Variants in CDC14B observed in about 807,000 individuals in gnomAD.
The protein encoded by CDC14B is cell division cycle 14B.
In CDC14B, 22 loss-of-function variants were observed where a neutral mutation model predicts 64.2. The observed-to-expected ratio is 0.34, with a 90% CI of 0.24 to 0.49. CDC14B has a LOEUF of 0.49. CDC14B is among the 20% of genes least tolerant of loss of function. The pLI, the probability that CDC14B is intolerant of heterozygous loss-of-function variation, is 0.99. For missense variants in CDC14B, 498 were observed against 629.9 expected, an observed-to-expected ratio of 0.79 and a Z score of 2.24; for synonymous variants, 191 against 215.8, an observed-to-expected ratio of 0.89 and a Z score of 1.01.
intron 5 of CDC14B, among the ~76,000 whole-genome samples, chr9:96,549,607 G>C (rs1327456999): frequency 6.6e-6 from 1 of 151,900 alleles, no homozygotes; most frequent in Non-Finnish European, 1.5e-5. Context: ...AGAGGTTGCA[G>C]TGAGTCCAGA....
At chr9:96,616,082 T>C (rs1847606885) in intron 1 of CDC14B, among the ~76,000 whole-genome samples, 3 of 152,210 alleles carry the variant, frequency 2.0e-5, no homozygotes, top group Admixed American at 1.3e-4. Context: ...CCCCAGCACT[T>C]TGGGAGATCT....
intron 1 of CDC14B, among the ~76,000 whole-genome samples, chr9:96,600,841 T>C (rs1846389968): frequency 6.6e-6 from 1 of 152,082 alleles, no homozygotes; most frequent in African/African-American, 2.4e-5. Context: ...ATAACAGCAA[T>C]CCATGGCTTG....
intron 1 of CDC14B, among the ~76,000 whole-genome samples, chr9:96,597,236 G>A (rs1478920609): frequency 2.6e-5 from 4 of 152,204 alleles, no homozygotes; most frequent in African/African-American, 9.7e-5. Flanking sequence ...GCTCACGCCT[G>A]TAATCCCGGT....
At chr9:96,588,151 G>A (rs1344420945) in intron 1 of CDC14B, among the ~76,000 whole-genome samples, 2 of 152,162 alleles carry the variant, frequency 1.3e-5, no homozygotes, top group East Asian at 3.9e-4. Context: ...GAGGGGGCAG[G>A]AAGCAGCAGA....
intron 1 of CDC14B, among the ~76,000 whole-genome samples, chr9:96,606,991 C>A (rs1323699084): frequency 2.7e-5 from 4 of 150,918 alleles, no homozygotes; most frequent in African/African-American, 7.3e-5. Flanking sequence ...TGTGTCACTG[C>A]ATTCCAGCTT....
chr9:96,522,574 C>T lies in CDC14B; in HGVS notation c.1275G>A (p.Val425=), dbSNP rs372390925. The change falls in exon 12 of 14, where the codon GTG becomes GTA. Residue 425 remains valine (V), a synonymous_variant. Transcript: ENST00000375241. ...PYSDDDEING[V]TQGDRLRALK... Reference sequence around the variant, plus strand: ...AGGCCCGAAGTCTATCACCTTGTGTCACTCCATTGATTTCGTCATCATCAC... The same window carrying T: ...AGGCCCGAAGTCTATCACCTTGTGTTACTCCATTGATTTCGTCATCATCAC... 4 of 1,612,990 alleles carry T rather than the reference C, an allele frequency of 2.5e-6. No homozygotes were observed. Among genetic ancestry groups the T allele is most frequent in the Non-Finnish European group, 3.4e-6 (4 of 1,178,996 alleles).
chr9:96,507,337 C>A, intron 13 of CDC14B, among the ~76,000 whole-genome samples: 1 of 149,108 alleles, frequency 6.7e-6, no homozygotes, highest in African/African-American at 2.5e-5. Context: ...AAAGCCTGAG[C>A]ACTCATACCT....
intron 5 of CDC14B, among the ~76,000 whole-genome samples, chr9:96,547,833 G>GTTT (rs1309475699): frequency 6.8e-6 from 1 of 147,150 alleles, no homozygotes; most frequent in Admixed American, 6.8e-5. Flanking sequence ...TTCTGTTTCT[G>GTTT]TTTTTTTTTT....
chr9:96,564,966 T>C (rs538183567), intron 2 of CDC14B, 114 bp from the exon 3 acceptor site: 1 of 641,642 alleles, frequency 1.6e-6, no homozygotes, highest in Non-Finnish European at 2.7e-6. Flanking sequence ...CAAATTGTTA[T>C]GGGCCAATAC....
At chr9:96,601,369 C>T (rs1846440655) in intron 1 of CDC14B, among the ~76,000 whole-genome samples, 1 of 151,786 alleles carries the variant, frequency 6.6e-6, no homozygotes, top group Non-Finnish European at 1.5e-5. Context: ...TGGTGGTGTG[C>T]GCCTGTAGTC....
At chr9:96,568,064 T>C (rs1844221238) in intron 1 of CDC14B, among the ~76,000 whole-genome samples, 1 of 152,206 alleles carries the variant, frequency 6.6e-6, no homozygotes, top group Non-Finnish European at 1.5e-5. Flanking sequence ...TTGTTATAGA[T>C]AAGAAGGTGC....
At chr9:96,494,832 C>T (rs1256887917) in intron 13 of CDC14B, among the ~76,000 whole-genome samples, 1 of 141,264 alleles carries the variant, frequency 7.1e-6, no homozygotes, top group Non-Finnish European at 1.5e-5. Context: ...GTCTCCCCTC[C>T]CCTCCCCTCC....
intron 1 of CDC14B, among the ~76,000 whole-genome samples, chr9:96,610,214 T>C (rs537155844): frequency 6.6e-6 from 1 of 152,316 alleles, no homozygotes; most frequent in Non-Finnish European, 1.5e-5. Context: ...TATTTATTTT[T>C]TGAGATGGAG....
chr9:96,590,463 G>C (rs879434225), intron 1 of CDC14B, among the ~76,000 whole-genome samples: 6 of 152,154 alleles, frequency 3.9e-5, no homozygotes, highest in Non-Finnish European at 5.9e-5. Flanking sequence ...AAGTGTAAAA[G>C]TACCACTGGG....
intron 9 of CDC14B, among the ~76,000 whole-genome samples, chr9:96,529,494 T>A (rs1401630454): frequency 1.3e-5 from 2 of 150,086 alleles, no homozygotes; most frequent in African/African-American, 4.9e-5. Flanking sequence ...CTAAGCCTTT[T>A]TTTTTTTTTT....
chr9:96,566,939 G>A, intron 1 of CDC14B: 3 of 1,507,458 alleles, frequency 2.0e-6, no homozygotes, highest in Non-Finnish European at 8.9e-7. Flanking sequence ...GGGGCAGCGG[G>A]CGCAGCGACA....
At position 96,500,375 on chromosome 9, in the gene CDC14B, G is replaced by A. The variant is rs1833453274; in HGVS notation, c.*3378C>T. On this transcript the variant is annotated 3_prime_UTR_variant, in exon 14 of 14. Coordinates refer to ENST00000375241, the MANE Select transcript of CDC14B (RefSeq NM_033331.4). ...GTAAAAAAAAATCAAGACAATGATT[G>A]ATCAATACTGATCAGTTACATTTTA... 1 of 152,662 alleles carries A rather than the reference G, an allele frequency of 6.6e-6. No individual in the cohort carries two copies. Among genetic ancestry groups the A allele is most frequent in the Middle Eastern group, 3.4e-3 (1 of 294 alleles). The allele number at this position is 152,662 out of a possible 1,614,324, so 9.5% of individuals were successfully genotyped here. A position where few individuals can be genotyped will look rare whatever the true frequency, so the allele number is the denominator to read the frequency against.
chr9:96,571,656 T>C (rs538898647), intron 1 of CDC14B, among the ~76,000 whole-genome samples: 6 of 152,310 alleles, frequency 3.9e-5, no homozygotes, highest in African/African-American at 9.6e-5. Flanking sequence ...TATATACTTA[T>C]TGGTTTTCAT....
In CDC14B at chr9:96,593,281, G is replaced by A. The variant is rs529472386; in HGVS notation, c.160+25938C>T. On this transcript the variant is annotated intron_variant, in intron 1 of 13. Coordinates refer to ENST00000375241, the MANE Select transcript of CDC14B (RefSeq NM_033331.4). The stretch of plus-strand genomic sequence containing the variant: ...AGGCAGGCGGATCACGAGGTCAAGA[G>A]ATAGAGACCATCCTGGCCAAGATGG... 4.6e-5 allele frequency among the ~76,000 whole-genome samples: 7 copies of A among 152,230 alleles called. No homozygotes were observed. In the South Asian group the frequency reaches 1.5e-3, roughly 32 times the overall value.
Sources: allele counts gnomAD v4.1 joint callset (sites outside exome capture counted in the v4.1 genomes callset), GRCh38; gene constraint gnomAD v4.1.1; transcripts MANE v1.5; gene names NCBI Gene and HGNC (gene_info 2026-07-23, HGNC 2026-07-21).